Variants in IDUA observed in about 807,000 individuals in gnomAD.
IDUA encodes the protein alpha-L-iduronidase.
In IDUA, 65 loss-of-function variants were observed where a neutral mutation model predicts 68.9. The ratio of observed to expected loss-of-function variants is 0.94; its 90% CI spans 0.77 to 1.16. IDUA has a LOEUF of 1.16. Ranked by LOEUF, IDUA falls within the 50% of genes most tolerant of loss-of-function variation. The pLI is 0.00. For missense variants in IDUA, 1,046 were observed against 938.0 expected, an observed-to-expected ratio of 1.12 and a Z score of -1.50; for synonymous variants, 529 against 433.6, an observed-to-expected ratio of 1.22 and a Z score of -2.73.
Position 1,003,154 on chromosome 4 carries a change from T to A in IDUA, c.1521T>A (p.Ala507=). ...TAEQFRRMRA[A]EDPVAAAPRP... is the part of the protein sequence containing the mutation. ...AGCAGTTCCGGCGCATGCGCGCGGC[T>A]GAGGTAGGTGGGCCGCGGAGGGGCG... The change falls in exon 10 of 14, where the codon GCT becomes GCA. Residue 507 remains alanine (A), a synonymous_variant. Transcript: ENST00000514224. 7.4e-7 allele frequency: 1 copy of A among 1,355,820 alleles called. No homozygotes were observed. Among genetic ancestry groups the A allele is most frequent in the Non-Finnish European group, 9.5e-7 (1 of 1,057,736 alleles). 84.0% of individuals were successfully genotyped at this position (1,355,820 alleles called of 1,614,324 possible).
intron 2 of IDUA, among the ~76,000 whole-genome samples, chr4:994,172 G>A (rs1241990350): frequency 6.6e-6 from 1 of 152,184 alleles, no homozygotes. Flanking sequence ...AGGCACGATG[G>A]TTCACTCCTG....
chr4:1,002,710 A>T, intron 8 of IDUA, 22 bp from the exon 9 acceptor site: 1 of 1,393,514 alleles, frequency 7.2e-7, no homozygotes, highest in Non-Finnish European at 9.6e-7. Context: ...CCACGCGGCG[A>T]CGGCCCCCCC....
At chr4:995,430 G>C (rs554244449) in intron 2 of IDUA, among the ~76,000 whole-genome samples, 4 of 152,270 alleles carry the variant, frequency 2.6e-5, no homozygotes, top group Admixed American at 6.5e-5. Context: ...GAGCCTGCAC[G>C]GGGCACCTGT....
upstream of IDUA, chr4:987,043 C>T: frequency 1.3e-6 from 2 of 1,511,946 alleles, no homozygotes; most frequent in South Asian, 2.4e-5. Context: ...GCGGAACCGG[C>T]AGTGCAGCCC....
intron 12 of IDUA, 122 bp downstream of exon 12, chr4:1,003,747 C>T (rs971633997): frequency 7.7e-5 from 84 of 1,087,460 alleles, no homozygotes; most frequent in Non-Finnish European, 9.9e-5. Flanking sequence ...TCCCTCGCCG[C>T]CCTGCGTCCC....
chr4:992,192 G>T, intron 2 of IDUA: 1 of 460,462 alleles, frequency 2.2e-6, no homozygotes, highest in Non-Finnish European at 4.3e-6. Context: ...AGGCAAGCCT[G>T]AGTCCAGCTG....
At chr4:991,711 C>T (rs758638367) in intron 2 of IDUA, 11 of 1,533,174 alleles carry the variant, frequency 7.2e-6, no homozygotes, top group African/African-American at 5.5e-5. Flanking sequence ...CATCCTGTTG[C>T]GTCAGGTCCC....
chr4:1,002,059 C>T lies in IDUA; in HGVS notation c.870C>T (p.Phe290=), dbSNP rs1715117568. The change falls in exon 7 of 14, where the codon TTC becomes TTT. Residue 290 remains phenylalanine (F), a synonymous_variant. Coordinates refer to ENST00000514224, the MANE Select transcript of IDUA (RefSeq NM_000203.5). ...AQQIRQLFPK[F]ADTPIYNDEA... ...AGATCCGGCAGCTCTTCCCCAAGTT[C>T]GCGGACACCCCCATTTACAACGACG... 3 of 1,595,656 alleles carry T rather than the reference C, an allele frequency of 1.9e-6. No individual in the cohort carries two copies. Among genetic ancestry groups the T allele is most frequent in the South Asian group, 2.3e-5 (2 of 87,898 alleles).
chr4:1,001,571 C>T lies in IDUA; in HGVS notation c.589+8C>T, dbSNP rs371219112. 60 of 1,612,772 alleles carry T rather than the reference C, an allele frequency of 3.7e-5. No individual in the cohort carries two copies. The highest frequency in any genetic ancestry group is 7.7e-5 in the South Asian group (7 of 91,092). On this transcript the variant is annotated splice_region_variant and intron_variant, in intron 5 of 13. Coordinates refer to ENST00000514224, the MANE Select transcript of IDUA (RefSeq NM_000203.5). The stretch of plus-strand genomic sequence containing the variant: ...TCTCCATGACCATGCAAGGTGTGCA[C>T]CGCTTCCTGGGGTCCTGCCCGGCTG...
chr4:997,591 G>A (rs1284344292), intron 2 of IDUA, among the ~76,000 whole-genome samples: 3 of 151,972 alleles, frequency 2.0e-5, no homozygotes, highest in African/African-American at 7.2e-5. Context: ...CCCCGCGCGG[G>A]GTCTACAAGG....
Position 987,074 on chromosome 4 carries a change from C to T in IDUA, c.-11C>T, listed in dbSNP as rs760459772. On this transcript the variant is annotated 5_prime_UTR_variant, in exon 1 of 14. Coordinates refer to ENST00000514224, the MANE Select transcript of IDUA (RefSeq NM_000203.5). Reference sequence around the variant, plus strand: ...AGCCCGAAGCCCCGCAGTCCCCGAGCACGCGTGGCCATGCGTCCCCTGCGC... The same window carrying T: ...AGCCCGAAGCCCCGCAGTCCCCGAGTACGCGTGGCCATGCGTCCCCTGCGC... The T allele has an allele frequency of 6.7e-7, 1 of 1,497,740 alleles. No homozygotes were observed. The highest frequency in any genetic ancestry group is 1.5e-5 in the African/African-American group (1 of 68,886). 92.8% of individuals were successfully genotyped at this position (1,497,740 alleles called of 1,614,324 possible).
chr4:993,413 TGGCGCCAACCTGCA>T (rs1714524000), intron 2 of IDUA: 1 of 152,264 alleles, frequency 6.6e-6, no homozygotes, highest in Non-Finnish European at 1.5e-5. Flanking sequence ...GTGGGGGTGG[TGGCGCCAACCTGCA>T]GGCAGTGGTC....
Position 1,002,719 on chromosome 4 carries a change from C to CA in IDUA, c.1190-13_1190-12insA. The CA allele has an allele frequency of 6.9e-7, 1 of 1,452,092 alleles. No individual in the cohort carries two copies. The highest frequency in any genetic ancestry group is 9.1e-7 in the Non-Finnish European group (1 of 1,094,410). 90.0% of individuals were successfully genotyped at this position (1,452,092 alleles called of 1,614,324 possible). On this transcript the variant is annotated splice_polypyrimidine_tract_variant and intron_variant, in intron 8 of 13. Coordinates refer to ENST00000514224, the MANE Select transcript of IDUA (RefSeq NM_000203.5). ...ACGACCCCACGCGGCGACGGCCCCC[C>CA]CCCGCCCCGCAGATGAGGAGCAGCT...
Position 1,001,490 on chromosome 4 carries a change from T to C in IDUA, c.516T>C (p.Val172=), listed in dbSNP as rs746986558. 1.9e-6 allele frequency: 3 copies of C among 1,613,166 alleles called. No individual in the cohort carries two copies. The highest frequency in any genetic ancestry group is 2.5e-6 in the Non-Finnish European group (3 of 1,179,960). Residue 172 remains valine (V), a synonymous_variant, in exon 5 of 14, where the codon GTT becomes GTC. Transcript: ENST00000514224. ...RYIGRYGLAH[V]SKWNFETWNE... is the part of the protein sequence containing the mutation. ...CAGGTAGGTACGGACTGGCGCATGT[T>C]TCCAAGTGGAACTTCGAGACGTGGA... is the stretch of plus-strand genomic sequence containing the variant.
chr4:997,868 C>T (rs563305272), intron 2 of IDUA, among the ~76,000 whole-genome samples: 6 of 152,340 alleles, frequency 3.9e-5, no homozygotes, highest in South Asian at 2.1e-4. Context: ...CACTCAGAGG[C>T]GCCTTGGGTG....
At chr4:994,926 A>T (rs556681232) in intron 2 of IDUA, among the ~76,000 whole-genome samples, 3 of 152,160 alleles carry the variant, frequency 2.0e-5, no homozygotes, top group Non-Finnish European at 2.9e-5. Flanking sequence ...AGCCCGTCTC[A>T]AAAACAAACG....
At chr4:987,335 G>A in intron 1 of IDUA, 93 bp downstream of exon 1, 1 of 1,241,204 alleles carries the variant, frequency 8.1e-7, no homozygotes, top group Non-Finnish European at 1.1e-6. Context: ...AGAGACCGGA[G>A]CTCCCTCCTC....
In IDUA at chr4:1,002,256, T is replaced by G. The variant is rs1715134673; in HGVS notation, c.973-13T>G. The G allele has an allele frequency of 6.2e-7, 1 of 1,606,564 alleles. No individual in the cohort carries two copies. The highest frequency in any genetic ancestry group is 2.2e-5 in the East Asian group (1 of 44,456). ...CCGCGCCACCCGGTCCCAGCTGCCC[T>G]GGACACCCGCAGGTCATCGCGCAGC... On this transcript the variant is annotated splice_polypyrimidine_tract_variant and intron_variant, in intron 7 of 13. Coordinates refer to ENST00000514224, the MANE Select transcript of IDUA (RefSeq NM_000203.5).
chr4:993,084 GT>G (rs1432954387), intron 2 of IDUA: 17 of 152,282 alleles, frequency 1.1e-4, no homozygotes, highest in Admixed American at 1.1e-3. Context: ...CAAGAGTTGT[GT>G]CCCCTTCCCT....
Sources: allele counts gnomAD v4.1 joint callset (sites outside exome capture counted in the v4.1 genomes callset), GRCh38; gene constraint gnomAD v4.1.1; transcripts MANE v1.5; gene names NCBI Gene and HGNC (gene_info 2026-07-23, HGNC 2026-07-21).